Variants in GRAMD1A observed in about 807,000 individuals in gnomAD.
GRAMD1A encodes protein Aster-A.
In GRAMD1A, 50 loss-of-function variants were observed where a neutral mutation model predicts 92.0. The observed-to-expected ratio is 0.54, with a 90% CI of 0.43 to 0.69. The LOEUF is 0.69. Among genes scored for constraint, GRAMD1A ranks in the 30% least tolerant of loss-of-function variants. GRAMD1A has a pLI of 0.00. For synonymous variants in GRAMD1A, 405 were observed against 403.6 expected, an observed-to-expected ratio of 1.00 and a Z score of -0.04; for missense variants, 819 against 978.9, an observed-to-expected ratio of 0.84 and a Z score of 2.18.
chr19:35,006,642 A>G (rs1014396193), intron 1 of GRAMD1A, among the ~76,000 whole-genome samples: 7 of 152,192 alleles, frequency 4.6e-5, no homozygotes, highest in Non-Finnish European at 1.0e-4. Flanking sequence ...GGCAGGGGCC[A>G]TGTCCTGCGG....
rs764237876 is a variant in GRAMD1A, at chr19:35,013,375, T to G, written c.719+7T>G. 6.5e-7 allele frequency: 1 copy of G among 1,544,174 alleles called. No homozygotes were observed. The highest frequency in any genetic ancestry group is 8.8e-7 in the Non-Finnish European group (1 of 1,135,186). On this transcript the variant is annotated splice_region_variant and intron_variant, in intron 8 of 19. Coordinates refer to ENST00000317991, the MANE Select transcript of GRAMD1A (RefSeq NM_020895.5). This position sits in a 1 kb window ranked among gnomAD's most constrained non-coding sequence, Gnocchi z 4.9. ...TGCAGCTGAACGGTCTGGGGTGAGT[T>G]GGAGGTCAAAGGAGGTTGAAGGGTT...
chr19:35,008,534 A>G (rs1380790407), intron 1 of GRAMD1A, among the ~76,000 whole-genome samples: 2 of 151,324 alleles, frequency 1.3e-5, no homozygotes, highest in East Asian at 3.9e-4. Flanking sequence ...AAAAAAAATT[A>G]AAGTAGGCTG....
At chr19:35,000,282 G>A (rs993376196), upstream of GRAMD1A, 2 of 1,032,150 alleles carry the variant, frequency 1.9e-6, no homozygotes, top group Non-Finnish European at 2.3e-6. The surrounding 1 kb of genome is among the most constrained non-coding windows in gnomAD (Gnocchi z 4.9). Context: ...GGGAAGGAAG[G>A]GGGTGTCGCT....
intron 1 of GRAMD1A, among the ~76,000 whole-genome samples, chr19:35,005,315 G>A (rs1359217375): frequency 1.6e-4 from 22 of 136,100 alleles, no homozygotes; most frequent in African/African-American, 5.2e-4. Flanking sequence ...ATCGGGAGGC[G>A]GGGTAGGGGG....
upstream of GRAMD1A, chr19:34,996,234 C>A: frequency 2.0e-6 from 3 of 1,534,234 alleles, no homozygotes; most frequent in Non-Finnish European, 2.6e-6. Flanking sequence ...TGCACCCCAA[C>A]CCCCCGACGC....
rs1332512204 is a variant in GRAMD1A at position 35,013,185 on chromosome 19, G to A, written c.607-71G>A. Reference sequence around the variant, plus strand: ...AGGGGAACTGCGGAGGCCGAGGGCTGGTGGGGAATCTGGCGGGCCGGGCTC... The same window carrying A: ...AGGGGAACTGCGGAGGCCGAGGGCTAGTGGGGAATCTGGCGGGCCGGGCTC... On this transcript the variant is annotated intron_variant, in intron 7 of 19. Coordinates refer to ENST00000317991, the MANE Select transcript of GRAMD1A (RefSeq NM_020895.5). This position sits in a 1 kb window ranked among gnomAD's most constrained non-coding sequence, Gnocchi z 4.9. 3 of 780,382 alleles carry A rather than the reference G, an allele frequency of 3.8e-6. No homozygotes were observed. Among genetic ancestry groups the A allele is most frequent in the Non-Finnish European group, 6.4e-6 (3 of 470,116 alleles). 48.3% of individuals were successfully genotyped at this position (780,382 alleles called of 1,614,324 possible). A position where few individuals can be genotyped will look rare whatever the true frequency, so the allele number is the denominator to read the frequency against.
At position 35,014,316 on chromosome 19, in the gene GRAMD1A, C is replaced by G. The variant is rs1364674539; in HGVS notation, c.998C>G (p.Pro333Arg). ...CCTGACGGGCCCACCACCCTGGGCC[C>G]CTTGGATCTGCTGCCCAGTGAGGAG... ...TQPDGPTTLG[P>R]LDLLPSEELL... Residue 333 changes from proline (P) to arginine (R), a missense_variant, in exon 10 of 20, where the codon CCC (proline) becomes CGC (arginine). Pro to Arg is a moderately radical substitution (Grantham distance 103). Transcript: ENST00000317991. The G allele has an allele frequency of 6.2e-7, 1 of 1,614,050 alleles. No individual in the cohort carries two copies. Among genetic ancestry groups the G allele is most frequent in the Admixed American group, 1.7e-5 (1 of 59,998 alleles).
chr19:34,995,570 G>GTTTTTCTT (rs1173583059), upstream of GRAMD1A, among the ~76,000 whole-genome samples: 10,841 of 80,630 alleles, frequency 0.13, 1,093 homozygotes, highest in Non-Finnish European at 0.2. Flanking sequence ...TCAGATCACG[G>GTTTTTCTT]GTTTTTTTTT....
rs537566471 is a variant in GRAMD1A at position 35,000,380 on chromosome 19, G to A, written c.-99G>A. ...GGCGGCCGCGGAAGGCCAGGCCGGT[G>A]CCCTGCGGGGACGCCCAGCGCAGCC... On this transcript the variant is annotated 5_prime_UTR_variant, in exon 1 of 20. Coordinates refer to ENST00000317991, the MANE Select transcript of GRAMD1A (RefSeq NM_020895.5). The surrounding 1 kb of genome is among the most constrained non-coding windows in gnomAD (Gnocchi z 4.9). The A allele has an allele frequency of 1.8e-6, 2 of 1,141,260 alleles. No individual in the cohort carries two copies. The highest frequency in any genetic ancestry group is 2.1e-6 in the Non-Finnish European group (2 of 931,160). 70.7% of individuals were successfully genotyped at this position (1,141,260 alleles called of 1,614,324 possible). A position where few individuals can be genotyped will look rare whatever the true frequency, so the allele number is the denominator to read the frequency against.
At position 35,009,872 on chromosome 19, in the gene GRAMD1A, T is replaced by C; in HGVS notation, c.241-16T>C. 1 of 1,552,028 alleles carries C rather than the reference T, an allele frequency of 6.4e-7. No homozygotes were observed. Among genetic ancestry groups the C allele is most frequent in the Middle Eastern group, 1.7e-4 (1 of 5,892 alleles). On this transcript the variant is annotated splice_polypyrimidine_tract_variant and intron_variant, in intron 3 of 19. Transcript: ENST00000317991. The stretch of plus-strand genomic sequence containing the variant: ...GTGAACCCCCATCCAGGTTCTCACC[T>C]CTCAAACTTCCTCAGATGCTGAGCC...
At chr19:35,012,970 A>G (rs1300522712) in intron 7 of GRAMD1A, 2 of 363,872 alleles carry the variant, frequency 5.5e-6, no homozygotes, top group Non-Finnish European at 1.0e-5. Context: ...GCCAGACTCC[A>G]TCTCCAAAAA....
In GRAMD1A at chr19:35,026,370, T is replaced by G. The variant is rs2151742596; in HGVS notation, c.*229T>G. 1.7e-6 allele frequency: 1 copy of G among 582,148 alleles called. No individual in the cohort carries two copies. Among genetic ancestry groups the G allele is most frequent in the African/African-American group, 1.9e-5 (1 of 53,618 alleles). 36.1% of individuals were successfully genotyped at this position (582,148 alleles called of 1,614,324 possible). A position where few individuals can be genotyped will look rare whatever the true frequency, so the allele number is the denominator to read the frequency against. On this transcript the variant is annotated 3_prime_UTR_variant, in exon 20 of 20. Transcript: ENST00000317991. ...CTAACTTATTTTGCCCGGCTGAGGTTGTGGGGGGCGCCTCCTGGGGTGCAC... is the reference window on the plus strand; with the variant it reads ...CTAACTTATTTTGCCCGGCTGAGGTGGTGGGGGGCGCCTCCTGGGGTGCAC...
chr19:34,998,763 G>A (rs2014149258), upstream of GRAMD1A, among the ~76,000 whole-genome samples: 1 of 150,760 alleles, frequency 6.6e-6, no homozygotes. Context: ...GGTGGATGGG[G>A]GTTTTAGAGG....
intron 4 of GRAMD1A, 21 bp downstream of exon 4, chr19:35,009,993 C>A (rs535150448): frequency 6.3e-7 from 1 of 1,580,892 alleles, no homozygotes; most frequent in Non-Finnish European, 8.7e-7. Context: ...GACCCCCAGT[C>A]CCAGCTCCTA....
Position 35,021,736 on chromosome 19 carries a change from G to A in GRAMD1A, c.1625G>A (p.Gly542Glu). The A allele has an allele frequency of 6.2e-7, 1 of 1,613,934 alleles. No individual in the cohort carries two copies. The change falls in exon 15 of 20, where the codon GGG (glycine) becomes GAG (glutamate). Residue 542 changes from glycine (G) to glutamate (E), a missense_variant. By Grantham distance (98) the Gly-to-Glu change is moderately conservative. This residue lies in a region of GRAMD1A where 577 missense variants were observed against 674.6 expected (regional missense o/e 0.86). Transcript: ENST00000317991. The surrounding 1 kb of genome is among the most constrained non-coding windows in gnomAD (Gnocchi z 5.3). ...KAEKLSLEEG[G>E]KDARGLLSGL... ...GAGAAGCTGTCTCTGGAGGAAGGCG[G>A]GAAGGATGCCCGGGGCTTGCTATCC...
rs192976620 is a variant in GRAMD1A at position 35,026,045 on chromosome 19, G to C, written c.2083-4G>C. 1.3e-6 allele frequency: 2 copies of C among 1,547,442 alleles called. 1 individual carries two copies. The highest frequency in any genetic ancestry group is 3.3e-5 in the Admixed American group (2 of 59,910). On this transcript the variant is annotated splice_region_variant and splice_polypyrimidine_tract_variant and intron_variant, in intron 19 of 19. Coordinates refer to ENST00000317991, the MANE Select transcript of GRAMD1A (RefSeq NM_020895.5). ...CCCCGACCCTGCTCACCTCCTCCCC[G>C]CAGATGAAGTTCTCGCTGGAGAAGC...
At chr19:35,008,296 T>G (rs2151708741) in intron 1 of GRAMD1A, among the ~76,000 whole-genome samples, 1 of 152,112 alleles carries the variant, frequency 6.6e-6, no homozygotes, top group South Asian at 2.1e-4. Context: ...ACCACTGCAC[T>G]CCAGCCTAGG....
At chr19:35,025,790 A>C (rs887260696) in intron 19 of GRAMD1A, among the ~76,000 whole-genome samples, 1 of 152,148 alleles carries the variant, frequency 6.6e-6, no homozygotes, top group African/African-American at 2.4e-5. Flanking sequence ...CCTGAGGTTA[A>C]CTGAGGTAAC....
In GRAMD1A at chr19:35,000,400, G is replaced by A. The variant is rs1195989135; in HGVS notation, c.-79G>A. On this transcript the variant is annotated 5_prime_UTR_variant, in exon 1 of 20. Transcript: ENST00000317991. This position sits in a 1 kb window ranked among gnomAD's most constrained non-coding sequence, Gnocchi z 4.9. ...CCGGTGCCCTGCGGGGACGCCCAGC[G>A]CAGCCCAGCCCCGCGCAGCCCAGCC... 59 of 1,155,652 alleles carry A rather than the reference G, an allele frequency of 5.1e-5. No individual in the cohort carries two copies. Among genetic ancestry groups the A allele is most frequent in the South Asian group, 8.5e-5 (2 of 23,490 alleles). 71.6% of individuals were successfully genotyped at this position (1,155,652 alleles called of 1,614,324 possible).
Sources: gnomAD v4.1 joint callset for allele counts (sites outside exome capture counted in the v4.1 genomes callset) on GRCh38, gnomAD v4.1.1 for gene constraint, gnomAD v4.1.1 regional missense constraint, Gnocchi (gnomAD v3.1) non-coding constraint, MANE v1.5 for transcripts, NCBI Gene and HGNC (gene_info 2026-07-23, HGNC 2026-07-21) for gene names.